Variants in ERC2 observed in about 807,000 individuals in gnomAD.
The protein encoded by ERC2 is ERC protein 2.
Under a neutral mutation model 114.8 loss-of-function variants are expected in ERC2, and 42 were observed. The observed-to-expected ratio is 0.37, with a 90% confidence interval of 0.29 to 0.47. The LOEUF (loss-of-function observed/expected upper bound fraction) is 0.47. ERC2 is among the 20% of genes least tolerant of loss of function. The probability of loss-of-function intolerance (pLI) is 0.99; values close to 1 mark genes in which losing one functional copy is unlikely to be tolerated. For missense variants in ERC2, 939 were observed against 1,150.7 expected (o/e 0.82, Z 2.66); for synonymous variants, 454 against 425.5 (o/e 1.07, Z -0.82).
At chr3:56,139,157 A>G (rs1414376044) in intron 6 of ERC2, among the ~76,000 whole-genome samples, 2 of 152,220 alleles carry the variant, frequency 1.3e-5, no homozygotes, top group African/African-American at 4.8e-5. Flanking sequence ...GCTCCGAAGT[A>G]TGAAAAAAAG....
intron 14 of ERC2, among the ~76,000 whole-genome samples, chr3:55,783,739 A>G (rs1269723838): frequency 6.6e-6 from 1 of 152,190 alleles, no homozygotes; most frequent in East Asian, 1.9e-4. Context: ...CTTGGGTGAC[A>G]AAGTCTCATC....
chr3:56,111,241 A>T (rs2078942370), intron 6 of ERC2, among the ~76,000 whole-genome samples: 1 of 152,104 alleles, frequency 6.6e-6, no homozygotes, highest in African/African-American at 2.4e-5. Flanking sequence ...GACAAAAACA[A>T]GACAAGCAAT....
intron 4 of ERC2, among the ~76,000 whole-genome samples, chr3:56,170,955 C>T (rs552888509): frequency 8.9e-4 from 135 of 151,882 alleles, no homozygotes; most frequent in Non-Finnish European, 1.4e-3. Context: ...TTAGTAGAGA[C>T]GGGGTTTCAC....
intron 7 of ERC2, among the ~76,000 whole-genome samples, chr3:56,034,289 A>AAT (rs113368267): frequency 1.5e-3 from 224 of 151,316 alleles, no homozygotes; most frequent in East Asian, 8.5e-3. Flanking sequence ...AACAACTATA[A>AAT]ATATATATAT....
chr3:56,329,087 T>C (rs2057492898), intron 2 of ERC2, among the ~76,000 whole-genome samples: 1 of 152,224 alleles, frequency 6.6e-6, no homozygotes, highest in Non-Finnish European at 1.5e-5. Flanking sequence ...GGTCACCTTC[T>C]TTATTTTCCA....
intron 7 of ERC2, among the ~76,000 whole-genome samples, chr3:56,026,591 G>T (rs142010968): frequency 6.6e-6 from 1 of 152,126 alleles, no homozygotes; most frequent in Non-Finnish European, 1.5e-5. Flanking sequence ...CTACAAGCCA[G>T]GCACTGTACT....
intron 2 of ERC2, among the ~76,000 whole-genome samples, chr3:56,432,565 G>C (rs1576936306): frequency 6.6e-6 from 1 of 152,270 alleles, no homozygotes; most frequent in East Asian, 1.9e-4. Context: ...ACTAGCTTTG[G>C]CTCTGTTAGA....
intron 2 of ERC2, among the ~76,000 whole-genome samples, chr3:56,415,284 G>A (rs2061105892): frequency 1.3e-5 from 2 of 152,122 alleles, no homozygotes; most frequent in Admixed American, 1.3e-4. Context: ...ATAGACAGAT[G>A]GGTACACACC....
chr3:56,221,618 A>G (rs1373146148), intron 3 of ERC2, among the ~76,000 whole-genome samples: 1 of 152,154 alleles, frequency 6.6e-6, no homozygotes, highest in African/African-American at 2.4e-5. Flanking sequence ...TAAAATCTAA[A>G]AAGCAGCCGG....
In ERC2 at chr3:55,674,254, A is replaced by G. The variant is rs570196817; in HGVS notation, c.*39+9540T>C. ...TCCATCAGGTGGGAGTGGTGGAACCAGTATTTGAACTTGGTCTGTGAGGCT... is the reference window on the plus strand; with the variant it reads ...TCCATCAGGTGGGAGTGGTGGAACCGGTATTTGAACTTGGTCTGTGAGGCT... On this transcript the variant is annotated intron_variant, in intron 17 of 17. Transcript: ENST00000288221. Among the ~76,000 whole-genome samples, 12 of 152,314 alleles carry G rather than the reference A, an allele frequency of 7.9e-5. No homozygotes were observed. In the South Asian group the frequency reaches 1.5e-3, roughly 18 times the overall value.
intron 15 of ERC2, among the ~76,000 whole-genome samples, chr3:55,718,670 G>C (rs2064266549): frequency 6.6e-6 from 1 of 152,168 alleles, no homozygotes; most frequent in Non-Finnish European, 1.5e-5. Context: ...AGGATGCTCT[G>C]CCTGCCCCTC....
intron 17 of ERC2, among the ~76,000 whole-genome samples, chr3:55,535,393 T>C (rs929452784): frequency 2.2e-4 from 33 of 152,160 alleles, no homozygotes; most frequent in African/African-American, 7.2e-4. Flanking sequence ...GGTCCAGGAA[T>C]ATTATTTTTA....
At position 55,914,024 on chromosome 3, in the gene ERC2, T is replaced by C. The variant is rs367720385; in HGVS notation, c.2404-25475A>G. Among the ~76,000 whole-genome samples the C allele has an allele frequency of 4.3e-4, 66 of 152,260 alleles. No homozygotes were observed. The Middle Eastern group carries it at 0.01, about 24-fold the overall frequency. ...ATTCTTGCCCCTTTATGACAATTTT[T>C]TTTTTTTTAAAGATAACACAGCCCA... is the stretch of plus-strand genomic sequence containing the variant. On this transcript the variant is annotated intron_variant, in intron 13 of 17. Coordinates refer to ENST00000288221, the MANE Select transcript of ERC2 (RefSeq NM_015576.3).
chr3:56,257,729 A>T lies in ERC2; in HGVS notation c.1074+38290T>A, dbSNP rs1341330398. ...GTCATATTTTCTTTTTTTAAATCTG[A>T]TTCTAGCACAGAATGAAGTTTATCA... is the stretch of plus-strand genomic sequence containing the variant. On this transcript the variant is annotated intron_variant, in intron 3 of 17. Coordinates refer to ENST00000288221, the MANE Select transcript of ERC2 (RefSeq NM_015576.3). Among the ~76,000 whole-genome samples, 2 of 152,206 alleles carry T rather than the reference A, an allele frequency of 1.3e-5. 1 individual carries two copies. The highest frequency in any genetic ancestry group is 1.3e-4 in the Admixed American group (2 of 15,272).
chr3:55,723,118 T>C (rs1401328072), intron 15 of ERC2, among the ~76,000 whole-genome samples: 1 of 152,124 alleles, frequency 6.6e-6, no homozygotes, highest in Non-Finnish European at 1.5e-5. Context: ...ATGATGGAAA[T>C]CATAAACCAA....
intron 2 of ERC2, among the ~76,000 whole-genome samples, chr3:56,418,812 C>G (rs2061274178): frequency 6.6e-6 from 1 of 152,180 alleles, no homozygotes; most frequent in Admixed American, 6.5e-5. Context: ...CCAACTCCCC[C>G]ATCCCAAACA....
At chr3:56,239,298 C>T (rs2051166828) in intron 3 of ERC2, among the ~76,000 whole-genome samples, 2 of 152,076 alleles carry the variant, frequency 1.3e-5, no homozygotes, top group South Asian at 4.1e-4. Context: ...GGGCAGGTTG[C>T]CTGAGCTCAG....
intron 16 of ERC2, 30 bp downstream of exon 16, chr3:55,699,348 G>A: frequency 6.2e-7 from 1 of 1,612,854 alleles, no homozygotes; most frequent in South Asian, 1.1e-5. Flanking sequence ...GGTAAAAGGG[G>A]TCTTGGAGGT....
At chr3:55,588,425 T>C (rs1410971274) in intron 17 of ERC2, among the ~76,000 whole-genome samples, 2 of 152,146 alleles carry the variant, frequency 1.3e-5, no homozygotes, top group East Asian at 3.9e-4. Flanking sequence ...AAAGGGATCC[T>C]AAAGACAACT....
Sources: allele counts gnomAD v4.1 joint callset (sites outside exome capture counted in the v4.1 genomes callset), GRCh38; gene constraint gnomAD v4.1.1; transcripts MANE v1.5; gene names NCBI Gene and HGNC (gene_info 2026-07-23, HGNC 2026-07-21).